Variants in PRH1 observed in about 807,000 individuals in gnomAD.
The protein encoded by PRH1 is proline rich protein HaeIII subfamily 1.
PRH1 carries 7 observed loss-of-function variants against 7.9 expected under a neutral mutation model. The observed-to-expected ratio is 0.89, with a 90% CI of 0.50 to 1.67. The LOEUF (loss-of-function observed/expected upper bound fraction) is 1.67. PRH1 is among the 40% of genes most tolerant of loss of function. PRH1 has a pLI of 0.00. For synonymous variants in PRH1, 45 were observed against 80.8 expected (o/e 0.56, Z 2.38); for missense variants, 109 against 223.6 (o/e 0.49, Z 3.27).
intron 1 of PRH1, among the ~76,000 whole-genome samples, chr12:11,038,668 A>G (rs560103263): frequency 7.2e-4 from 109 of 152,320 alleles, no homozygotes; most frequent in South Asian, 3.1e-3. Context: ...GTATGCCACA[A>G]TTTGTTTATT....
chr12:11,096,856 G>A lies in PRH1; in HGVS notation n.124-49668C>T, dbSNP rs1409939957. On this transcript the variant is annotated intron_variant and non_coding_transcript_variant, in intron 1 of 4. Transcript: ENST00000541977. ...GTTGTCTCCCAGGCTGGAGTGCAGC[G>A]GCGCGATCTCGGCTCACTGCAAGCT... 1.5e-4 allele frequency among the ~76,000 whole-genome samples: 17 copies of A among 114,718 alleles called. 5 individuals are homozygous for A. Among genetic ancestry groups the A allele is most frequent in the South Asian group, 4.8e-4 (2 of 4,184 alleles). The allele number at this position is 114,718 out of a possible 152,430, so 75.3% of individuals were successfully genotyped here. A position where few individuals can be genotyped will look rare whatever the true frequency, so the allele number is the denominator to read the frequency against.
At chr12:11,055,905 AAG>A (rs1943344237) in intron 1 of PRH1, among the ~76,000 whole-genome samples, 1 of 152,358 alleles carries the variant, frequency 6.6e-6, no homozygotes, top group South Asian at 2.1e-4. Flanking sequence ...AAAAGCATCC[AAG>A]GTTTTCTTGG....
intron 2 of PRH1, among the ~76,000 whole-genome samples, chr12:10,956,659 C>A (rs1205373364): frequency 6.6e-6 from 1 of 152,018 alleles, no homozygotes; most frequent in African/African-American, 2.4e-5. Flanking sequence ...GACTTTATAC[C>A]TAGAAATCCC....
intron 1 of PRH1, among the ~76,000 whole-genome samples, chr12:11,123,668 T>A (rs575863934): frequency 1.3e-5 from 2 of 152,052 alleles, no homozygotes; most frequent in Admixed American, 6.5e-5. Context: ...AGAAGTATGT[T>A]ACATATTCCA....
chr12:10,898,777 A>G (rs2135805334), intron 2 of PRH1, among the ~76,000 whole-genome samples: 1 of 152,320 alleles, frequency 6.6e-6, no homozygotes, highest in Non-Finnish European at 1.5e-5. Flanking sequence ...TAAAGTAGGT[A>G]AAGAAATTAT....
Position 11,081,774 on chromosome 12 carries a change from T to G in PRH1, n.124-34586A>C, listed in dbSNP as rs1476344392. On this transcript the variant is annotated intron_variant and non_coding_transcript_variant, in intron 1 of 4. Coordinates refer to the PRH1 transcript ENST00000541977. ...TTGTAGAAATGGGGCTCTGTGCCTT[T>G]AAATTTCATCATTACCTAAGTGAAA... Among the ~76,000 whole-genome samples the G allele has an allele frequency of 1.7e-5, 2 of 116,876 alleles. 1 individual carries two copies. Among genetic ancestry groups the G allele is most frequent in the Non-Finnish European group, 4.1e-5 (2 of 49,268 alleles). The allele number at this position is 116,876 out of a possible 152,430, so 76.7% of individuals were successfully genotyped here.
intron 1 of PRH1, among the ~76,000 whole-genome samples, chr12:11,045,961 T>C (rs571943244): frequency 6.6e-6 from 1 of 152,256 alleles, no homozygotes; most frequent in African/African-American, 2.4e-5. Flanking sequence ...CTATGAAACA[T>C]GGGGGTTTTG....
chr12:10,898,432 A>G (rs1480567457), intron 2 of PRH1, among the ~76,000 whole-genome samples: 1 of 152,256 alleles, frequency 6.6e-6, no homozygotes, highest in Non-Finnish European at 1.5e-5. Flanking sequence ...AAACTGAAAT[A>G]AACAAAGGGA....
intron 1 of PRH1, among the ~76,000 whole-genome samples, chr12:11,003,009 A>G (rs936428542): frequency 6.6e-6 from 1 of 152,058 alleles, no homozygotes; most frequent in Non-Finnish European, 1.5e-5. Flanking sequence ...AACGTGTATC[A>G]TGAATAATTA....
At chr12:11,031,065 T>C (rs775109812) in intron 1 of PRH1, 2 of 1,614,306 alleles carry the variant, frequency 1.2e-6, no homozygotes. Flanking sequence ...AAATGGCCGG[T>C]TACTGCCCAG....
At chr12:11,145,547 A>AGATTCCT (rs1946836506) in intron 1 of PRH1, among the ~76,000 whole-genome samples, 1 of 152,214 alleles carries the variant, frequency 6.6e-6, no homozygotes, top group African/African-American at 2.4e-5. Flanking sequence ...CCTCAATATT[A>AGATTCCT]GAATTTCTCA....
At chr12:11,161,874 GA>G (rs1207785839) in intron 1 of PRH1, among the ~76,000 whole-genome samples, 1 of 152,206 alleles carries the variant, frequency 6.6e-6, no homozygotes, top group African/African-American at 2.4e-5. Flanking sequence ...ATACAGACAT[GA>G]AACATTTGTG....
rs1408995488 is a variant in PRH1 at position 11,021,674 on chromosome 12, A to C, written c.-126+25346T>G. On this transcript the variant is annotated intron_variant, in intron 1 of 3. Coordinates refer to the PRH1 transcript ENST00000539853. ...GTTGAGGGTTTCTCTTCTTTCACTCAGCGTGTCATCTGCCACAAAACTGAA... is the reference window on the plus strand; with the variant it reads ...GTTGAGGGTTTCTCTTCTTTCACTCCGCGTGTCATCTGCCACAAAACTGAA... 1.0e-5 allele frequency: 16 copies of C among 1,608,012 alleles called. No homozygotes were observed. In the East Asian group the frequency reaches 3.6e-4, roughly 36 times the overall value.
At chr12:11,040,213 T>A (rs1942649475) in intron 1 of PRH1, among the ~76,000 whole-genome samples, 1 of 152,252 alleles carries the variant, frequency 6.6e-6, no homozygotes, top group South Asian at 2.1e-4. Context: ...GGAATAGATG[T>A]TAAAATCAGT....
At chr12:10,997,604 G>C (rs1458670214) in intron 1 of PRH1, 1 of 1,614,020 alleles carries the variant, frequency 6.2e-7, no homozygotes, top group Admixed American at 1.7e-5. Context: ...GAAATGATTG[G>C]TTACTGCCCA....
chr12:10,909,614 G>T, intron 2 of PRH1: 1 of 309,682 alleles, frequency 3.2e-6, no homozygotes, highest in Non-Finnish European at 5.9e-6. Context: ...TTGCAACCAT[G>T]CAAATAAAGA....
chr12:10,970,656 C>A (rs911370122), intron 2 of PRH1, among the ~76,000 whole-genome samples: 6 of 151,878 alleles, frequency 4.0e-5, no homozygotes, highest in Admixed American at 6.6e-5. Context: ...CCTCCGCCTC[C>A]CAGGTTGAAG....
chr12:10,932,241 A>G (rs1484812814), intron 2 of PRH1: 1 of 437,676 alleles, frequency 2.3e-6, no homozygotes, highest in Non-Finnish European at 4.7e-6. Context: ...GAATAAGAAG[A>G]TGACAGTGTT....
At chr12:10,909,315 T>A (rs757433207) in intron 2 of PRH1, 1 of 1,574,842 alleles carries the variant, frequency 6.3e-7, no homozygotes, top group Non-Finnish European at 8.7e-7. Context: ...ACAGAGAAAG[T>A]TCAATGTCTA....
Sources: gnomAD v4.1 joint callset for allele counts (sites outside exome capture counted in the v4.1 genomes callset) on GRCh38, gnomAD v4.1.1 for gene constraint, MANE v1.5 for transcripts, NCBI Gene and HGNC (gene_info 2026-07-23, HGNC 2026-07-21) for gene names.